SLC15A5: variants seen among roughly 807,000 people sequenced by gnomAD.
The protein encoded by SLC15A5 is Peptide/histidine transporter ENSP00000340402.
A neutral mutation model predicts 56.1 loss-of-function variants in SLC15A5; 58 were observed. The observed-to-expected ratio is 1.03, with a 90% CI of 0.84 to 1.29. The LOEUF is 1.29. SLC15A5 is among the 50% of genes most tolerant of loss of function. The pLI is 0.00. For synonymous variants in SLC15A5, 264 were observed against 250.5 expected (o/e 1.05, Z -0.51); for missense variants, 681 against 672.1 (o/e 1.01, Z -0.15).
At position 16,277,580 on chromosome 12, in the gene SLC15A5, A is replaced by G; in HGVS notation, c.106T>C (p.Ser36Pro). ...ATTCCAACCTGAATTTTTTTCACAG[A>G]GTGTGAGGAACACAAATCGCCAATA... ...RHIGDLCSSHSVKKIQVGICL... is the reference protein window; with the variant it reads ...RHIGDLCSSHPVKKIQVGICL... Residue 36 changes from serine (S) to proline (P), a missense_variant, in exon 1 of 9, where the codon TCT becomes CCT. Transcript: ENST00000344941. 6.5e-7 allele frequency: 1 copy of G among 1,536,532 alleles called. No individual in the cohort carries two copies. The highest frequency in any genetic ancestry group is 8.7e-7 in the Non-Finnish European group (1 of 1,146,420).
intron 1 of SLC15A5, among the ~76,000 whole-genome samples, chr12:16,275,449 T>A (rs1304062760): frequency 6.6e-6 from 1 of 152,014 alleles, no homozygotes; most frequent in East Asian, 1.9e-4. Context: ...TATAGAGATT[T>A]ATTTGTTCAG....
chr12:16,229,468 C>A (rs1347522487), intron 5 of SLC15A5, among the ~76,000 whole-genome samples: 1 of 152,054 alleles, frequency 6.6e-6, no homozygotes, highest in African/African-American at 2.4e-5. Flanking sequence ...CCATAACATC[C>A]ATTTTTTTCA....
intron 6 of SLC15A5, among the ~76,000 whole-genome samples, chr12:16,222,636 A>C (rs1864199740): frequency 6.6e-6 from 1 of 152,170 alleles, no homozygotes; most frequent in Admixed American, 6.5e-5. Context: ...CTTAGACCTC[A>C]GTTAGGCCTG....
chr12:16,229,862 G>A (rs1418650822), intron 5 of SLC15A5, among the ~76,000 whole-genome samples: 1 of 152,204 alleles, frequency 6.6e-6, no homozygotes, highest in Non-Finnish European at 1.5e-5. Context: ...TGGGTGGTAT[G>A]TGTAAGTAGT....
chr12:16,193,473 C>G (rs1863858495), intron 8 of SLC15A5, among the ~76,000 whole-genome samples: 1 of 151,920 alleles, frequency 6.6e-6, no homozygotes, highest in East Asian at 1.9e-4. Flanking sequence ...CACCACCTAT[C>G]ACATGGCTGA....
intron 7 of SLC15A5, among the ~76,000 whole-genome samples, chr12:16,211,658 G>C (rs371160827): frequency 3.9e-5 from 6 of 152,282 alleles, no homozygotes; most frequent in Admixed American, 3.3e-4. Flanking sequence ...TAATGGGATA[G>C]AGTCGAAATA....
intron 3 of SLC15A5, among the ~76,000 whole-genome samples, chr12:16,256,957 C>T (rs1221579849): frequency 7.3e-6 from 1 of 137,062 alleles, no homozygotes; most frequent in Non-Finnish European, 1.6e-5. Context: ...TAGATAGTTT[C>T]TGGACATATC....
At position 16,243,587 on chromosome 12, in the gene SLC15A5, C is replaced by G. The variant is rs981883845; in HGVS notation, c.975+993G>C. On this transcript the variant is annotated intron_variant, in intron 4 of 8. Transcript: ENST00000344941. This position sits in a 1 kb window ranked among gnomAD's most constrained non-coding sequence, Gnocchi z 4.4. Reference sequence around the variant, plus strand: ...TTCAAACATATAAAAATGTAAAAATCTTCTTAGCTTACAGGATGTACAAAA... The same window carrying G: ...TTCAAACATATAAAAATGTAAAAATGTTCTTAGCTTACAGGATGTACAAAA... Among the ~76,000 whole-genome samples, 1 of 151,936 alleles carries G rather than the reference C, an allele frequency of 6.6e-6. No homozygotes were observed. Among genetic ancestry groups the G allele is most frequent in the Non-Finnish European group, 1.5e-5 (1 of 68,002 alleles).
At chr12:16,198,716 C>T (rs1863919945) in intron 7 of SLC15A5, among the ~76,000 whole-genome samples, 1 of 152,150 alleles carries the variant, frequency 6.6e-6, no homozygotes, top group South Asian at 2.1e-4. Context: ...ATTCAACCTA[C>T]TGTGAGATTC....
intron 6 of SLC15A5, 105 bp downstream of exon 6, chr12:16,224,309 G>C: frequency 9.5e-7 from 1 of 1,050,504 alleles, no homozygotes. Flanking sequence ...GAACTCTCTA[G>C]GAGGTGAATA....
intron 7 of SLC15A5, among the ~76,000 whole-genome samples, chr12:16,199,304 C>CAAAAAAAAA (rs10687463): frequency 2.2e-5 from 2 of 91,360 alleles, no homozygotes; most frequent in Non-Finnish European, 4.2e-5. Flanking sequence ...TAGACTGTCT[C>CAAAAAAAAA]AAAAAAAAAA....
At chr12:16,258,051 G>T (rs541493532) in intron 2 of SLC15A5, among the ~76,000 whole-genome samples, 181 bp from the exon 3 acceptor site, 2 of 152,248 alleles carry the variant, frequency 1.3e-5, no homozygotes, top group South Asian at 2.1e-4. Flanking sequence ...TGACTTAGCA[G>T]TTTCATTATC....
chr12:16,241,132 G>A (rs780572407), intron 4 of SLC15A5, among the ~76,000 whole-genome samples: 33 of 152,024 alleles, frequency 2.2e-4, no homozygotes, highest in Admixed American at 9.2e-4. Flanking sequence ...CTTTAGTAGC[G>A]CATAGTATTT....
chr12:16,212,522 A>G lies in SLC15A5; in HGVS notation c.1483+4371T>C, dbSNP rs911446068. On this transcript the variant is annotated intron_variant, in intron 7 of 8. Coordinates refer to ENST00000344941, the MANE Select transcript of SLC15A5 (RefSeq NM_001170798.1). ...ACAAAGAGACTTATCCTATTTCCAG[A>G]AAAACGTGAAAAGTCTCCTGTGATG... 5.7e-3 allele frequency among the ~76,000 whole-genome samples: 7 copies of G among 1,232 alleles called. No individual in the cohort carries two copies. In the Non-Finnish European group the frequency reaches 0.12, roughly 20 times the overall value. The allele number at this position is 1,232 out of a possible 152,430, so 0.8% of individuals were successfully genotyped here. A position where few individuals can be genotyped will look rare whatever the true frequency, so the allele number is the denominator to read the frequency against.
Position 16,271,639 on chromosome 12 carries a change from A to G in SLC15A5, c.584+922T>C, listed in dbSNP as rs1180802336. On this transcript the variant is annotated intron_variant, in intron 2 of 8. Coordinates refer to ENST00000344941, the MANE Select transcript of SLC15A5 (RefSeq NM_001170798.1). This position sits in a 1 kb window ranked among gnomAD's most constrained non-coding sequence, Gnocchi z 8.0. ...CTGCCTCGGATAGCTACATATGCCT[A>G]TACATACACATATAGACACTATTTA... Among the ~76,000 whole-genome samples, 2 of 152,158 alleles carry G rather than the reference A, an allele frequency of 1.3e-5. No individual in the cohort carries two copies. Among genetic ancestry groups the G allele is most frequent in the Non-Finnish European group, 2.9e-5 (2 of 68,028 alleles).
intron 7 of SLC15A5, among the ~76,000 whole-genome samples, chr12:16,200,976 G>A (rs760288456): frequency 1.6e-4 from 24 of 151,952 alleles, no homozygotes; most frequent in Non-Finnish European, 3.4e-4. Flanking sequence ...AAATAAAACT[G>A]GCAAATCCAA....
chr12:16,275,550 G>T (rs980086525), intron 1 of SLC15A5, among the ~76,000 whole-genome samples: 16 of 152,114 alleles, frequency 1.1e-4, no homozygotes, highest in African/African-American at 3.9e-4. Flanking sequence ...TGGTTAAAAA[G>T]AAGAAAGCTG....
chr12:16,258,080 A>G (rs1229795221), intron 2 of SLC15A5, among the ~76,000 whole-genome samples: 1 of 152,208 alleles, frequency 6.6e-6, no homozygotes, highest in Non-Finnish European at 1.5e-5. Flanking sequence ...ATCCTTGTTT[A>G]GAATCGATAT....
At chr12:16,207,610 C>T (rs1019773586) in intron 7 of SLC15A5, among the ~76,000 whole-genome samples, 4 of 151,942 alleles carry the variant, frequency 2.6e-5, no homozygotes, top group Admixed American at 6.6e-5. Context: ...TGATCACCAA[C>T]ATCAACTGGG....
Sources: gnomAD v4.1 joint callset for allele counts (sites outside exome capture counted in the v4.1 genomes callset) on GRCh38, gnomAD v4.1.1 for gene constraint, Gnocchi (gnomAD v3.1) non-coding constraint, MANE v1.5 for transcripts, NCBI Gene and HGNC (gene_info 2026-07-23, HGNC 2026-07-21) for gene names.